Variants in SLC44A5 observed in about 807,000 individuals in gnomAD.
The protein encoded by SLC44A5 is choline transporter-like protein 5.
Under a neutral mutation model 101.8 loss-of-function variants are expected in SLC44A5, and 57 were observed. The ratio of observed to expected loss-of-function variants is 0.56; its 90% CI spans 0.45 to 0.70. The LOEUF is 0.70. Among genes scored for constraint, SLC44A5 ranks in the 30% least tolerant of loss-of-function variants. SLC44A5 has a pLI of 0.00. For synonymous variants in SLC44A5, 281 were observed against 290.9 expected (o/e 0.97, Z 0.35); for missense variants, 737 against 853.1 (o/e 0.86, Z 1.70).
intron 3 of SLC44A5, among the ~76,000 whole-genome samples, chr1:75,372,759 T>G (rs1660312844): frequency 6.6e-6 from 1 of 152,306 alleles, no homozygotes; most frequent in African/African-American, 2.4e-5. Flanking sequence ...TCCTTTAAAA[T>G]TTGACATTGG....
At chr1:75,354,165 A>G (rs1658894517) in intron 3 of SLC44A5, among the ~76,000 whole-genome samples, 1 of 152,236 alleles carries the variant, frequency 6.6e-6, no homozygotes, top group Non-Finnish European at 1.5e-5. Flanking sequence ...TTCTCTAACC[A>G]TAAATTCCCT....
intron 23 of SLC44A5, among the ~76,000 whole-genome samples, chr1:75,206,890 C>T (rs1646758649): frequency 6.6e-6 from 1 of 152,048 alleles, no homozygotes; most frequent in African/African-American, 2.4e-5. Context: ...GGTAAGAAAC[C>T]TCAACCTCTG....
At chr1:75,647,688 A>T in the SLC44A5 span, among the ~76,000 whole-genome samples, 46 of 152,196 alleles carry the variant, frequency 3.0e-4, no homozygotes, top group East Asian at 1.9e-3. Context: ...GTCAAAGGAG[A>T]TCATTTTGGA....
At chr1:75,224,970 G>A (rs1315175943) in intron 13 of SLC44A5, among the ~76,000 whole-genome samples, 1 of 148,604 alleles carries the variant, frequency 6.7e-6, no homozygotes, top group African/African-American at 2.6e-5. Context: ...GTTAATTATT[G>A]AAGGAAGTTT....
intron 2 of SLC44A5, among the ~76,000 whole-genome samples, chr1:75,502,019 T>C (rs72988778): frequency 0.03 from 4,603 of 152,306 alleles, 243 homozygotes; most frequent in African/African-American, 0.11. Context: ...TGAAGTTCTT[T>C]GTGATGAAAC....
chr1:75,604,212 G>A (rs899446918), intron 1 of SLC44A5, among the ~76,000 whole-genome samples: 4 of 152,082 alleles, frequency 2.6e-5, no homozygotes, highest in Non-Finnish European at 5.9e-5. Flanking sequence ...TAGGGGTCCA[G>A]TTTCATTCTT....
At chr1:75,625,202 T>C in the SLC44A5 span, among the ~76,000 whole-genome samples, 1 of 152,142 alleles carries the variant, frequency 6.6e-6, no homozygotes, top group South Asian at 2.1e-4. Flanking sequence ...CCTCCATGCC[T>C]TCTACATTAT....
the SLC44A5 span, among the ~76,000 whole-genome samples, chr1:75,681,641 G>A: frequency 0.23 from 32,524 of 142,800 alleles, 4,035 homozygotes; most frequent in Non-Finnish European, 0.28. Context: ...ACAAACCCAC[G>A]GCCAATATCA....
At chr1:75,392,040 T>C (rs372757113) in intron 3 of SLC44A5, among the ~76,000 whole-genome samples, 21 of 151,760 alleles carry the variant, frequency 1.4e-4, no homozygotes, top group African/African-American at 5.1e-4. Flanking sequence ...TCCCAACTAC[T>C]CAGAAGGCCA....
intron 2 of SLC44A5, among the ~76,000 whole-genome samples, chr1:75,455,316 A>G (rs1317033024): frequency 6.6e-6 from 1 of 152,190 alleles, no homozygotes; most frequent in Admixed American, 6.5e-5. Context: ...AGCCATGTGC[A>G]GAAGAGTGAA....
intron 12 of SLC44A5, 43 bp downstream of exon 12, chr1:75,233,943 G>T: frequency 7.3e-7 from 1 of 1,370,284 alleles, no homozygotes; most frequent in South Asian, 1.2e-5. Flanking sequence ...AAAATAAAAG[G>T]ATTATTCTGA....
intron 2 of SLC44A5, among the ~76,000 whole-genome samples, chr1:75,536,984 C>T (rs1332948797): frequency 1.6e-4 from 15 of 96,592 alleles, no homozygotes; most frequent in East Asian, 1.3e-3. Context: ...CCAGCCTGGG[C>T]GACAGAGCGA....
chr1:75,421,306 A>C (rs1256531506), intron 2 of SLC44A5, among the ~76,000 whole-genome samples: 1 of 152,094 alleles, frequency 6.6e-6, no homozygotes, highest in African/African-American at 2.4e-5. Context: ...AGCCACCATT[A>C]TTTTAAAGAC....
chr1:75,247,404 C>T (rs906049625), intron 7 of SLC44A5, among the ~76,000 whole-genome samples: 7 of 151,974 alleles, frequency 4.6e-5, no homozygotes, highest in Non-Finnish European at 8.8e-5. Context: ...ATTTGAGATG[C>T]CAACCAAATA....
chr1:75,529,683 A>G (rs1470819109), intron 2 of SLC44A5, among the ~76,000 whole-genome samples: 2 of 152,178 alleles, frequency 1.3e-5, no homozygotes, highest in Non-Finnish European at 1.5e-5. Context: ...GGAATGACTA[A>G]GCAGCTTATA....
intron 2 of SLC44A5, among the ~76,000 whole-genome samples, chr1:75,493,327 C>A (rs1668517501): frequency 6.6e-6 from 1 of 152,100 alleles, no homozygotes; most frequent in Admixed American, 6.6e-5. Flanking sequence ...TGGTATTTAA[C>A]CTTTACATGT....
chr1:75,262,526 A>G (rs1321335788), intron 6 of SLC44A5, among the ~76,000 whole-genome samples: 3 of 152,248 alleles, frequency 2.0e-5, no homozygotes, highest in Admixed American at 1.3e-4. Flanking sequence ...ATGGATAGGA[A>G]GAAACAATAT....
At chr1:75,526,093 A>G (rs949541564) in intron 2 of SLC44A5, among the ~76,000 whole-genome samples, 6 of 152,286 alleles carry the variant, frequency 3.9e-5, no homozygotes, top group African/African-American at 1.4e-4. Flanking sequence ...GGAAATGGTG[A>G]ACCTACAGCC....
intron 5 of SLC44A5, among the ~76,000 whole-genome samples, chr1:75,281,673 T>C (rs1280961348): frequency 8.4e-6 from 1 of 118,460 alleles, no homozygotes; most frequent in Non-Finnish European, 1.7e-5. Context: ...CCTAGGGACT[T>C]GGTGCCCCAC....
Sources: allele counts gnomAD v4.1 joint callset (sites outside exome capture counted in the v4.1 genomes callset), GRCh38; gene constraint gnomAD v4.1.1; transcripts MANE v1.5; gene names NCBI Gene and HGNC (gene_info 2026-07-23, HGNC 2026-07-21).